The following SPON1 variants were observed in gnomAD, a reference collection of about 807,000 sequenced individuals.
SPON1 encodes the protein spondin 1.
Under a neutral mutation model 111.7 loss-of-function variants are expected in SPON1, and 52 were observed. The observed-to-expected ratio is 0.47, with a 90% confidence interval of 0.37 to 0.59. SPON1 has a LOEUF of 0.59. Ranked by LOEUF, SPON1 falls within the 20% of genes least tolerant of loss-of-function variation. The pLI is 0.00. For missense variants in SPON1, 957 were observed against 1,068.5 expected (o/e 0.90, Z 1.46); for synonymous variants, 410 against 395.8 (o/e 1.04, Z -0.43).
intron 6 of SPON1, among the ~76,000 whole-genome samples, chr11:14,163,749 A>G (rs1369836645): frequency 6.6e-6 from 1 of 152,118 alleles, no homozygotes; most frequent in Non-Finnish European, 1.5e-5. Context: ...CTGAGCTACC[A>G]TTCTTCATGC....
chr11:14,182,214 T>A (rs1422663824), intron 6 of SPON1, among the ~76,000 whole-genome samples: 1 of 152,206 alleles, frequency 6.6e-6, no homozygotes, highest in African/African-American at 2.4e-5. Context: ...ACACTATTGT[T>A]CCTGATATTC....
intron 6 of SPON1, among the ~76,000 whole-genome samples, chr11:14,238,442 A>G (rs934808902): frequency 6.6e-6 from 1 of 152,200 alleles, no homozygotes; most frequent in African/African-American, 2.4e-5. Flanking sequence ...CTGTGGGCAC[A>G]GCTGGGATGT....
At chr11:14,238,434 G>C (rs987067502) in intron 6 of SPON1, among the ~76,000 whole-genome samples, 4 of 152,230 alleles carry the variant, frequency 2.6e-5, no homozygotes, top group Non-Finnish European at 5.9e-5. Flanking sequence ...GCCTTCTGCT[G>C]TGGGCACAGC....
At chr11:14,227,212 A>G (rs1486960897) in intron 6 of SPON1, among the ~76,000 whole-genome samples, 1 of 152,114 alleles carries the variant, frequency 6.6e-6, no homozygotes, top group Non-Finnish European at 1.5e-5. Context: ...CAGTGTCACT[A>G]TGTTGCCCAG....
At chr11:13,976,757 T>G (rs568689818) in intron 1 of SPON1, among the ~76,000 whole-genome samples, 1 of 152,176 alleles carries the variant, frequency 6.6e-6, no homozygotes, top group Admixed American at 6.5e-5. Flanking sequence ...AATTATCACA[T>G]GTTGAATATA....
chr11:14,198,912 G>A (rs1554935337), intron 6 of SPON1, among the ~76,000 whole-genome samples: 1 of 152,178 alleles, frequency 6.6e-6, no homozygotes, highest in Non-Finnish European at 1.5e-5. Context: ...ACTGACTCGA[G>A]TAAGGCAATG....
At chr11:13,988,887 A>G (rs1227159279) in intron 2 of SPON1, among the ~76,000 whole-genome samples, 8 of 152,196 alleles carry the variant, frequency 5.3e-5, no homozygotes, top group Non-Finnish European at 1.0e-4. Flanking sequence ...CTTGCATCCC[A>G]GGGATGAAGC....
chr11:14,161,201 T>G (rs184548271), intron 6 of SPON1, among the ~76,000 whole-genome samples: 5 of 28,660 alleles, frequency 1.7e-4, no homozygotes, highest in Non-Finnish European at 3.8e-4. Context: ...CTATATATAT[T>G]TATATATTTA....
At chr11:14,123,166 C>T (rs1554926690) in intron 5 of SPON1, among the ~76,000 whole-genome samples, 2 of 152,008 alleles carry the variant, frequency 1.3e-5, no homozygotes, top group African/African-American at 2.4e-5. Context: ...CTCCTGTGCT[C>T]AAGTGATCCT....
chr11:14,041,018 A>G lies in SPON1; in HGVS notation c.346-503A>G, dbSNP rs933764029. 3.3e-5 allele frequency among the ~76,000 whole-genome samples: 5 copies of G among 152,232 alleles called. 1 individual carries two copies. The highest frequency in any genetic ancestry group is 3.3e-4 in the Admixed American group (5 of 15,288). On this transcript the variant is annotated intron_variant, in intron 2 of 15. Coordinates refer to ENST00000576479, the MANE Select transcript of SPON1 (RefSeq NM_006108.4). ...GGGAGAATACTGATTAGTAAATACA[A>G]TGCACAGATTAAGGAAGTAGGAACT...
chr11:14,181,613 G>A (rs1848235504), intron 6 of SPON1, among the ~76,000 whole-genome samples: 1 of 152,206 alleles, frequency 6.6e-6, no homozygotes, highest in South Asian at 2.1e-4. Flanking sequence ...AGGGCATTGT[G>A]GTCGCACAGA....
chr11:14,020,298 TGGGGGAGAGGCAAGTCTACAG>T (rs1848471317), intron 2 of SPON1, among the ~76,000 whole-genome samples: 1 of 151,912 alleles, frequency 6.6e-6, no homozygotes, highest in Non-Finnish European at 1.5e-5. Flanking sequence ...AGGGAAGAGC[TGGGGGAGAGGCAAGTCTACAG>T]GGGTACATCT....
chr11:14,033,631 T>C (rs1848574436), intron 2 of SPON1, among the ~76,000 whole-genome samples: 1 of 152,178 alleles, frequency 6.6e-6, no homozygotes, highest in Non-Finnish European at 1.5e-5. Context: ...GGGTATGGCA[T>C]GTGATTTAGG....
intron 5 of SPON1, among the ~76,000 whole-genome samples, chr11:14,129,296 G>A (rs561649919): frequency 6.6e-6 from 1 of 151,960 alleles, no homozygotes; most frequent in East Asian, 1.9e-4. Context: ...TATGCTTTTA[G>A]AATCAACCAG....
intron 5 of SPON1, among the ~76,000 whole-genome samples, chr11:14,094,407 C>T (rs950805476): frequency 2.0e-5 from 3 of 151,994 alleles, no homozygotes; most frequent in Middle Eastern, 6.3e-3. Flanking sequence ...CAGTTTATTA[C>T]CAATAATGAA....
At chr11:14,162,417 C>G (rs1040756463) in intron 6 of SPON1, among the ~76,000 whole-genome samples, 1 of 151,764 alleles carries the variant, frequency 6.6e-6, no homozygotes, top group Non-Finnish European at 1.5e-5. Context: ...AATAGTTTAA[C>G]TTAAATCAGA....
chr11:14,006,592 G>A (rs374484512), intron 2 of SPON1, among the ~76,000 whole-genome samples: 54 of 152,166 alleles, frequency 3.5e-4, no homozygotes, highest in Middle Eastern at 6.8e-3. Flanking sequence ...GTGGTGGACC[G>A]GTGGTCCATT....
intron 3 of SPON1, among the ~76,000 whole-genome samples, chr11:14,059,718 G>A (rs1395402749): frequency 1.3e-5 from 2 of 152,132 alleles, no homozygotes; most frequent in Non-Finnish European, 2.9e-5. Flanking sequence ...GAGTGTGGGA[G>A]GGAGGGAAGA....
chr11:14,078,525 T>A (rs1353896648), intron 4 of SPON1, among the ~76,000 whole-genome samples: 1 of 152,186 alleles, frequency 6.6e-6, no homozygotes, highest in Non-Finnish European at 1.5e-5. Flanking sequence ...AAGTTTTCTC[T>A]CTTTCCTATC....
Sources: gnomAD v4.1 joint callset for allele counts (sites outside exome capture counted in the v4.1 genomes callset) on GRCh38, gnomAD v4.1.1 for gene constraint, MANE v1.5 for transcripts, NCBI Gene and HGNC (gene_info 2026-07-23, HGNC 2026-07-21) for gene names.